The following ABCC5 variants were observed in gnomAD, a reference collection of about 807,000 sequenced individuals.
ABCC5 encodes the protein ATP binding cassette subfamily C member 5.
A neutral mutation model predicts 160.9 loss-of-function variants in ABCC5; 61 were observed. That is an observed-to-expected ratio of 0.38 (90% CI 0.31 to 0.47). The LOEUF (loss-of-function observed/expected upper bound fraction) is 0.47. Among genes scored for constraint, ABCC5 ranks in the 20% least tolerant of loss-of-function variants. The pLI is 0.99. For synonymous variants in ABCC5, 666 were observed against 700.6 expected, an observed-to-expected ratio of 0.95 and a Z score of 0.78; for missense variants, 1,308 against 1,813.3, an observed-to-expected ratio of 0.72 and a Z score of 5.06.
chr3:183,958,839 ATC>A (rs1422509510), intron 17 of ABCC5, among the ~76,000 whole-genome samples: 1 of 151,954 alleles, frequency 6.6e-6, no homozygotes, highest in Non-Finnish European at 1.5e-5. Context: ...GGCCCGAGCA[ATC>A]TTCCCACCTC....
chr3:183,927,687 C>G (rs200113703), intron 27 of ABCC5: 1 of 985,420 alleles, frequency 1.0e-6, no homozygotes, highest in Non-Finnish European at 1.2e-6. Flanking sequence ...GAAATCCCAA[C>G]GCTTTCATGT....
At chr3:183,996,545 T>G (rs1720300786) in intron 2 of ABCC5, among the ~76,000 whole-genome samples, 1 of 152,214 alleles carries the variant, frequency 6.6e-6, no homozygotes, top group Non-Finnish European at 1.5e-5. Flanking sequence ...TCAAAGGCTC[T>G]TTTTAAAAAG....
rs1453434343 is a variant in ABCC5, at chr3:183,952,142, CTCTTT to C, written c.2668-144_2668-140del. ...GGGACCTGGTCATGGCTTTGTCCAC[CTCTTT>C]TTTTTTTTTTTTTTTTTGAGACAGT... On this transcript the variant is annotated intron_variant, in intron 18 of 29. Transcript: ENST00000334444. 1.8e-3 allele frequency: 1,069 copies of C among 586,044 alleles called. 1 individual carries two copies. The highest frequency in any genetic ancestry group is 3.9e-3 in the Middle Eastern group (8 of 2,034). 36.3% of individuals were successfully genotyped at this position (586,044 alleles called of 1,614,324 possible).
At chr3:183,993,107 C>A (rs568836835) in intron 2 of ABCC5, among the ~76,000 whole-genome samples, 2 of 152,312 alleles carry the variant, frequency 1.3e-5, no homozygotes, top group South Asian at 4.1e-4. Context: ...TTTTCCCTTT[C>A]ATCAAAATTG....
intron 2 of ABCC5, among the ~76,000 whole-genome samples, chr3:183,996,645 C>T (rs1720310508): frequency 6.6e-6 from 1 of 152,164 alleles, no homozygotes; most frequent in African/African-American, 2.4e-5. Context: ...ACTCAGGGCT[C>T]TCCTGCTGCC....
chr3:183,989,868 A>T, intron 2 of ABCC5, among the ~76,000 whole-genome samples: 1 of 149,046 alleles, frequency 6.7e-6, no homozygotes, highest in East Asian at 2.0e-4. Context: ...GCAGTGGCGC[A>T]ATCTCGGCTC....
Position 183,964,482 on chromosome 3 carries a change from C to A in ABCC5, c.2031+703G>T, listed in dbSNP as rs181410963. Among the ~76,000 whole-genome samples the A allele has an allele frequency of 3.7e-4, 56 of 152,338 alleles. 1 individual carries two copies. In the East Asian group the frequency reaches 9.8e-3, roughly 27 times the overall value. On this transcript the variant is annotated intron_variant, in intron 14 of 29. Transcript: ENST00000334444. Reference sequence around the variant, plus strand: ...TGTTAAAACAGACCTTTGCGCCCCACCCCTAGAGTTTCTGATTCAGTAGGT... The same window carrying A: ...TGTTAAAACAGACCTTTGCGCCCCAACCCTAGAGTTTCTGATTCAGTAGGT...
chr3:183,967,664 C>A, intron 12 of ABCC5, 31 bp downstream of exon 12: 2 of 1,580,000 alleles, frequency 1.3e-6, no homozygotes, highest in Non-Finnish European at 1.7e-6. Flanking sequence ...CCAGAGAAAG[C>A]AGCAGAAAAG....
chr3:183,936,744 G>A (rs981982272), intron 26 of ABCC5, among the ~76,000 whole-genome samples: 1 of 152,128 alleles, frequency 6.6e-6, no homozygotes, highest in Non-Finnish European at 1.5e-5. Flanking sequence ...TCCTGACCTC[G>A]TGATCCGCCC....
rs1577500195 is a variant in ABCC5 at position 183,949,690 on chromosome 3, A to T, written c.3227+63T>A. 25 of 1,585,462 alleles carry T rather than the reference A, an allele frequency of 1.6e-5. No individual in the cohort carries two copies. In the East Asian group the frequency reaches 5.6e-4, roughly 36 times the overall value. ...TCTCTGGCCTTGAAGAGCCTCCCGG[A>T]CAAGTATCAAACGCTGGGATGCTGA... On this transcript the variant is annotated intron_variant, in intron 22 of 29. Transcript: ENST00000334444. The surrounding 1 kb of genome is among the most constrained non-coding windows in gnomAD (Gnocchi z 4.2).
At chr3:183,940,669 C>T (rs1033010365) in intron 25 of ABCC5, among the ~76,000 whole-genome samples, 12 of 151,864 alleles carry the variant, frequency 7.9e-5, no homozygotes, top group Admixed American at 2.0e-4. Context: ...TTTGGACCAC[C>T]TGGACTGGAA....
rs1303998650 is a variant in ABCC5 at position 184,017,749 on chromosome 3, C to T, written c.-56+81G>A. 6.6e-6 allele frequency: 1 copy of T among 152,500 alleles called. No individual in the cohort carries two copies. The highest frequency in any genetic ancestry group is 1.5e-5 in the Non-Finnish European group (1 of 68,268). The allele number at this position is 152,500 out of a possible 1,614,324, so 9.4% of individuals were successfully genotyped here. On this transcript the variant is annotated intron_variant, in intron 1 of 29. Transcript: ENST00000334444. The surrounding 1 kb of genome is among the most constrained non-coding windows in gnomAD (Gnocchi z 4.5). ...GCTCGCAGCCCTGGCCACATCCCGCCACGCCCCGAGGAAATGCAAAGGGGT... is the reference window on the plus strand; with the variant it reads ...GCTCGCAGCCCTGGCCACATCCCGCTACGCCCCGAGGAAATGCAAAGGGGT...
intron 2 of ABCC5, among the ~76,000 whole-genome samples, chr3:184,005,877 G>C (rs1286720220): frequency 6.7e-6 from 1 of 149,258 alleles, no homozygotes; most frequent in Non-Finnish European, 1.5e-5. Flanking sequence ...TAACTTCCAA[G>C]TTATCTTAAC....
At chr3:183,935,106 T>C (rs1004412514) in intron 26 of ABCC5, among the ~76,000 whole-genome samples, 1 of 152,068 alleles carries the variant, frequency 6.6e-6, no homozygotes, top group African/African-American at 2.4e-5. Context: ...CTCAAACTCC[T>C]GACCTCAGGT....
chr3:183,989,890 C>T (rs1054300364), intron 2 of ABCC5, among the ~76,000 whole-genome samples: 5 of 150,506 alleles, frequency 3.3e-5, no homozygotes, highest in Non-Finnish European at 7.4e-5. Context: ...TTGCAACCTC[C>T]ACCTCCCGGG....
intron 1 of ABCC5, among the ~76,000 whole-genome samples, chr3:184,015,400 C>T (rs1184226304): frequency 6.6e-6 from 1 of 152,210 alleles, no homozygotes; most frequent in Non-Finnish European, 1.5e-5. Context: ...ACCTTTCATA[C>T]TAGCCTCCAA....
chr3:183,958,110 A>G (rs146221652), intron 17 of ABCC5, among the ~76,000 whole-genome samples: 1 of 152,332 alleles, frequency 6.6e-6, no homozygotes, highest in African/African-American at 2.4e-5. Context: ...ATCCGTGTGT[A>G]TATCACATCG....
rs140794086 is a variant in ABCC5, at chr3:184,016,606, T to C, written c.-56+1224A>G. Reference sequence around the variant, plus strand: ...CTTCTCGTGTCCTCCTTTAAAGTTGTTGGAATATCTTTTTTAAATGCTCAC... The same window carrying C: ...CTTCTCGTGTCCTCCTTTAAAGTTGCTGGAATATCTTTTTTAAATGCTCAC... On this transcript the variant is annotated intron_variant, in intron 1 of 29. Coordinates refer to ENST00000334444, the MANE Select transcript of ABCC5 (RefSeq NM_005688.4). Among the ~76,000 whole-genome samples the C allele has an allele frequency of 2.9e-4, 44 of 152,316 alleles. No homozygotes were observed. The East Asian group carries it at 3.1e-3, about 11-fold the overall frequency.
intron 28 of ABCC5, among the ~76,000 whole-genome samples, chr3:183,927,066 G>A (rs1712652884): frequency 6.6e-6 from 1 of 151,928 alleles, no homozygotes. Flanking sequence ...AATCTTCTAT[G>A]TCTATGGTTT....
Sources: gnomAD v4.1 joint callset for allele counts (sites outside exome capture counted in the v4.1 genomes callset) on GRCh38, gnomAD v4.1.1 for gene constraint, Gnocchi (gnomAD v3.1) non-coding constraint, MANE v1.5 for transcripts, NCBI Gene and HGNC (gene_info 2026-07-23, HGNC 2026-07-21) for gene names.